Variants in AK5 observed in about 807,000 individuals in gnomAD.
AK5 encodes adenylate kinase 5, also known as adenylate kinase isoenzyme 5.
In AK5, 27 loss-of-function variants were observed where a neutral mutation model predicts 69.5. The observed-to-expected ratio is 0.39, with a 90% confidence interval of 0.29 to 0.54. The LOEUF (loss-of-function observed/expected upper bound fraction) is 0.54, where lower values mean the gene tolerates loss of function less well. Among genes scored for constraint, AK5 ranks in the 20% least tolerant of loss-of-function variants. The pLI, the probability that AK5 is intolerant of heterozygous loss-of-function variation, is 0.71. For synonymous variants in AK5, 260 were observed against 244.4 expected, an observed-to-expected ratio of 1.06 and a Z score of -0.60; for missense variants, 531 against 700.4, an observed-to-expected ratio of 0.76 and a Z score of 2.73.
chr1:77,436,097 A>G (rs1046975896), intron 8 of AK5, among the ~76,000 whole-genome samples: 1 of 152,096 alleles, frequency 6.6e-6, no homozygotes, highest in Non-Finnish European at 1.5e-5. Flanking sequence ...CTAACATTCC[A>G]TGCCAAAAAT....
chr1:77,467,147 T>C (rs910515286), intron 8 of AK5, among the ~76,000 whole-genome samples: 1 of 152,238 alleles, frequency 6.6e-6, no homozygotes, highest in African/African-American at 2.4e-5. Context: ...TATTCATTCC[T>C]GGATAGGGAA....
At chr1:77,384,001 T>C (rs1432234826) in intron 6 of AK5, among the ~76,000 whole-genome samples, 1 of 152,108 alleles carries the variant, frequency 6.6e-6, no homozygotes, top group Non-Finnish European at 1.5e-5. Context: ...ATATTAGAGA[T>C]ATAATAAAAC....
chr1:77,450,098 A>AGTTTT (rs1467489417), intron 8 of AK5, among the ~76,000 whole-genome samples: 1 of 152,174 alleles, frequency 6.6e-6, no homozygotes, highest in Admixed American at 6.5e-5. Context: ...CTAAAACAGC[A>AGTTTT]AGAGTCACCT....
At chr1:77,525,084 C>T (rs1312884143) in intron 12 of AK5, among the ~76,000 whole-genome samples, 1 of 151,960 alleles carries the variant, frequency 6.6e-6, no homozygotes, top group Non-Finnish European at 1.5e-5. Context: ...TTTTTTTGTA[C>T]TTTTAGTAGA....
intron 10 of AK5, among the ~76,000 whole-genome samples, chr1:77,495,401 A>G (rs1656252234): frequency 6.6e-6 from 1 of 152,236 alleles, no homozygotes; most frequent in Non-Finnish European, 1.5e-5. Flanking sequence ...CTATGTATCT[A>G]GCCATTGGTG....
intron 8 of AK5, among the ~76,000 whole-genome samples, chr1:77,419,259 T>C (rs1650642740): frequency 6.6e-6 from 1 of 152,102 alleles, no homozygotes; most frequent in Non-Finnish European, 1.5e-5. Flanking sequence ...GGGAGCCTTT[T>C]CAGTTGCTGA....
chr1:77,534,373 C>T (rs9787153), intron 12 of AK5, among the ~76,000 whole-genome samples: 92,058 of 152,008 alleles, frequency 0.61, 30,593 homozygotes, highest in Non-Finnish European at 0.74. Context: ...ACCACCATCA[C>T]TCATTCATTA....
intron 5 of AK5, among the ~76,000 whole-genome samples, chr1:77,300,012 C>T (rs191261464): frequency 2.9e-4 from 44 of 152,256 alleles, no homozygotes; most frequent in East Asian, 3.9e-4. Flanking sequence ...ACTTTAATTT[C>T]GTATTCACTT....
intron 10 of AK5, among the ~76,000 whole-genome samples, chr1:77,499,608 T>A (rs1048691652): frequency 3.3e-5 from 5 of 152,024 alleles, no homozygotes; most frequent in Admixed American, 6.6e-5. Flanking sequence ...AACACCCTGG[T>A]TTTTTTGGAA....
At chr1:77,345,382 A>C (rs1343778273) in intron 6 of AK5, among the ~76,000 whole-genome samples, 1 of 152,228 alleles carries the variant, frequency 6.6e-6, no homozygotes. Context: ...ATTGTTCACC[A>C]ATACCAGGTT....
At chr1:77,329,453 G>T (rs1660978160) in intron 5 of AK5, among the ~76,000 whole-genome samples, 1 of 151,968 alleles carries the variant, frequency 6.6e-6, no homozygotes, top group Non-Finnish European at 1.5e-5. Flanking sequence ...TTTAAATGGG[G>T]TGTTTCTGTG....
At chr1:77,532,004 G>GGCCC (rs1553161476) in intron 12 of AK5, 5 of 150,806 alleles carry the variant, frequency 3.3e-5, no homozygotes, top group African/African-American at 9.7e-5. Flanking sequence ...CCGGCCGGCC[G>GGCCC]GCCGCTCCGA....
At chr1:77,376,507 A>G (rs372365697) in intron 6 of AK5, among the ~76,000 whole-genome samples, 2 of 150,214 alleles carry the variant, frequency 1.3e-5, no homozygotes, top group African/African-American at 4.9e-5. Flanking sequence ...TGAGTAGTGC[A>G]TGTAACTATT....
At chr1:77,375,993 A>T (rs1345642468) in intron 6 of AK5, among the ~76,000 whole-genome samples, 1 of 152,234 alleles carries the variant, frequency 6.6e-6, no homozygotes, top group Non-Finnish European at 1.5e-5. Flanking sequence ...AATGTATTGT[A>T]AACTATCAAG....
intron 6 of AK5, among the ~76,000 whole-genome samples, chr1:77,359,090 T>C (rs943475623): frequency 6.6e-6 from 1 of 151,646 alleles, no homozygotes; most frequent in African/African-American, 2.4e-5. Context: ...CCCGTCTCTA[T>C]TAAAAATACA....
chr1:77,502,322 C>T (rs1432708010), intron 10 of AK5, among the ~76,000 whole-genome samples: 1 of 152,094 alleles, frequency 6.6e-6, no homozygotes, highest in African/African-American at 2.4e-5. Flanking sequence ...GCCCTTATGT[C>T]CTAAGCCCAT....
At chr1:77,386,132 TCA>T (rs1648011951) in intron 6 of AK5, among the ~76,000 whole-genome samples, 1 of 152,208 alleles carries the variant, frequency 6.6e-6, no homozygotes. Flanking sequence ...TTCCTGGCAA[TCA>T]CAGAGTAATT....
chr1:77,540,695 T>G (rs1340836769), intron 13 of AK5: 6 of 152,028 alleles, frequency 3.9e-5, no homozygotes, highest in Non-Finnish European at 7.4e-5. Flanking sequence ...CTTCGGTGAG[T>G]CATTTTACTG....
chr1:77,530,647 C>T (rs1017255837), intron 12 of AK5, among the ~76,000 whole-genome samples: 2 of 152,092 alleles, frequency 1.3e-5, no homozygotes, highest in Non-Finnish European at 2.9e-5. Context: ...GTGAGTCAGG[C>T]GCTTTACATG....
Sources: gnomAD v4.1 joint callset for allele counts (sites outside exome capture counted in the v4.1 genomes callset) on GRCh38, gnomAD v4.1.1 for gene constraint, MANE v1.5 for transcripts, NCBI Gene and HGNC (gene_info 2026-07-23, HGNC 2026-07-21) for gene names.